GSE1: variants seen among roughly 807,000 people sequenced by gnomAD.
GSE1 encodes Gse1 coiled-coil protein.
In GSE1, 32 loss-of-function variants were observed where a neutral mutation model predicts 112.6. The ratio of observed to expected loss-of-function variants is 0.28; its 90% confidence interval spans 0.21 to 0.38. GSE1 has a LOEUF of 0.38. Ranked by LOEUF, GSE1 falls within the 10% of genes least tolerant of loss-of-function variation. The pLI is 1.00. For synonymous variants in GSE1, 1,115 were observed against 735.6 expected, an observed-to-expected ratio of 1.52 and a Z score of -8.35; for missense variants, 2,348 against 1,699.2, an observed-to-expected ratio of 1.38 and a Z score of -6.71.
intron 1 of GSE1, among the ~76,000 whole-genome samples, chr16:85,178,308 G>T (rs2074509392): frequency 6.6e-6 from 1 of 152,094 alleles, no homozygotes; most frequent in Non-Finnish European, 1.5e-5. Context: ...AAGTGTTAAG[G>T]CCTGGATGTT....
chr16:85,493,122 C>G lies in GSE1; in HGVS notation c.2464+135479C>G, dbSNP rs941774718. 2.0e-5 allele frequency among the ~76,000 whole-genome samples: 3 copies of G among 152,166 alleles called. No individual in the cohort carries two copies. In the South Asian group the frequency reaches 6.2e-4, roughly 32 times the overall value. On this transcript the variant is annotated intron_variant, in intron 2 of 2. Coordinates refer to the GSE1 transcript ENST00000637419. The stretch of plus-strand genomic sequence containing the variant: ...GAAGGGAGCTGGTGAGCCCTGTGTT[C>G]TCCAGGGAGGGGCGATGCAGAGGCC...
chr16:85,634,298 C>A (rs1449358984), intron 2 of GSE1, among the ~76,000 whole-genome samples, 166 bp downstream of exon 2: 1 of 152,240 alleles, frequency 6.6e-6, no homozygotes, highest in Non-Finnish European at 1.5e-5. Flanking sequence ...CTGGGCCAGT[C>A]CGCCTGCCCC....
chr16:85,358,977 A>G (rs531607917), intron 2 of GSE1, among the ~76,000 whole-genome samples: 6 of 152,322 alleles, frequency 3.9e-5, no homozygotes, highest in Non-Finnish European at 8.8e-5. Context: ...AAGAAAGCTA[A>G]TGGGAGTGCC....
At chr16:85,344,007 C>T (rs186950060) in intron 1 of GSE1, among the ~76,000 whole-genome samples, 42 of 152,332 alleles carry the variant, frequency 2.8e-4, no homozygotes, top group African/African-American at 9.4e-4. Flanking sequence ...ACTATTCCCC[C>T]AGGAACATGG....
intron 1 of GSE1, among the ~76,000 whole-genome samples, chr16:85,626,468 T>G (rs771329989): frequency 1.3e-5 from 2 of 152,204 alleles, no homozygotes; most frequent in Non-Finnish European, 2.9e-5. Flanking sequence ...GGGACGCCCT[T>G]TATTTGTTCA....
intron 1 of GSE1, among the ~76,000 whole-genome samples, chr16:85,333,182 A>G (rs1375636588): frequency 2.0e-5 from 3 of 152,140 alleles, no homozygotes; most frequent in African/African-American, 4.8e-5. Flanking sequence ...TGTAGGGCTC[A>G]TACCAGGAGG....
chr16:85,380,428 G>C (rs955766097), intron 2 of GSE1, among the ~76,000 whole-genome samples: 1 of 152,162 alleles, frequency 6.6e-6, no homozygotes, highest in Non-Finnish European at 1.5e-5. Flanking sequence ...CAACCCCACT[G>C]TTCAGCAGGT....
At chr16:85,227,941 A>G (rs1372296852) in intron 1 of GSE1, among the ~76,000 whole-genome samples, 1 of 152,170 alleles carries the variant, frequency 6.6e-6, no homozygotes, top group Non-Finnish European at 1.5e-5. Flanking sequence ...ATCAACGCAG[A>G]GAACCCCGTG....
chr16:85,613,704 T>C (rs1481958175), intron 1 of GSE1, among the ~76,000 whole-genome samples: 21 of 71,514 alleles, frequency 2.9e-4, no homozygotes, highest in Admixed American at 2.8e-4. Context: ...AGAGGGCAGG[T>C]AAAGTGGGGG....
intron 2 of GSE1, among the ~76,000 whole-genome samples, chr16:85,392,798 G>A (rs1057238409): frequency 2.0e-5 from 3 of 152,226 alleles, no homozygotes; most frequent in Non-Finnish European, 4.4e-5. Flanking sequence ...CTTAGGGAGC[G>A]TTGCCTCAGT....
intron 1 of GSE1, among the ~76,000 whole-genome samples, chr16:85,220,511 G>A (rs976541045): frequency 1.3e-5 from 2 of 152,254 alleles, no homozygotes; most frequent in African/African-American, 4.8e-5. Flanking sequence ...GCGGCCAGGA[G>A]CCTGGGGCAG....
intron 1 of GSE1, among the ~76,000 whole-genome samples, chr16:85,183,307 A>G (rs1269417840): frequency 2.0e-5 from 3 of 152,116 alleles, no homozygotes; most frequent in African/African-American, 4.8e-5. Flanking sequence ...GTGCCAGCCT[A>G]GCTCTCACCT....
intron 1 of GSE1, among the ~76,000 whole-genome samples, chr16:85,572,537 C>T (rs1051531361): frequency 2.0e-5 from 3 of 151,928 alleles, no homozygotes; most frequent in African/African-American, 4.8e-5. Context: ...CACACATACA[C>T]GTGCACACAA....
intron 1 of GSE1, among the ~76,000 whole-genome samples, chr16:85,570,747 C>A (rs2045948859): frequency 1.3e-5 from 2 of 152,186 alleles, no homozygotes; most frequent in Non-Finnish European, 1.5e-5. Context: ...AGTTCCTGAG[C>A]ACCTGTTGGT....
intron 1 of GSE1, among the ~76,000 whole-genome samples, chr16:85,617,485 A>C (rs1198051455): frequency 6.6e-6 from 1 of 151,172 alleles, no homozygotes; most frequent in Non-Finnish European, 1.5e-5. Context: ...TCCTGGCTGC[A>C]CTTTTGAATC....
At chr16:85,478,918 T>TCCTTCCTTCCTTCCTTC (rs1567520813) in intron 2 of GSE1, among the ~76,000 whole-genome samples, 1 of 53,600 alleles carries the variant, frequency 1.9e-5, no homozygotes, top group African/African-American at 1.0e-4. Context: ...TTTCTTTCTT[T>TCCTTCCTTCCTTCCTTC]CTTTCTTTCT....
intron 2 of GSE1, among the ~76,000 whole-genome samples, chr16:85,479,437 G>A (rs1478128146): frequency 3.3e-5 from 5 of 151,850 alleles, no homozygotes; most frequent in Admixed American, 2.0e-4. Flanking sequence ...CCAAAGTGCC[G>A]AGGTTACAGG....
chr16:85,387,458 C>T (rs769195689), intron 2 of GSE1, among the ~76,000 whole-genome samples: 14 of 152,212 alleles, frequency 9.2e-5, no homozygotes, highest in East Asian at 7.7e-4. Context: ...CTTCAGCCTG[C>T]GATGCTCTTT....
intron 2 of GSE1, among the ~76,000 whole-genome samples, chr16:85,516,505 G>C (rs531032480): frequency 1.3e-3 from 181 of 141,124 alleles, no homozygotes; most frequent in Non-Finnish European, 2.2e-3. Context: ...AGGATCTCTT[G>C]AGCCCAGGAG....
Sources: allele counts gnomAD v4.1 joint callset (sites outside exome capture counted in the v4.1 genomes callset), GRCh38; gene constraint gnomAD v4.1.1; transcripts MANE v1.5; gene names NCBI Gene and HGNC (gene_info 2026-07-23, HGNC 2026-07-21).